SPATA6L: variants seen among roughly 807,000 people sequenced by gnomAD.
SPATA6L encodes spermatogenesis associated 6 like, also known as spermatogenesis associated 6-like protein.
Under a neutral mutation model 49.2 loss-of-function variants are expected in SPATA6L, and 68 were observed. That is an observed-to-expected ratio of 1.38 (90% CI 1.14 to 1.69). The LOEUF is 1.69. Ranked by LOEUF, SPATA6L falls within the 40% of genes most tolerant of loss-of-function variation. The pLI is 0.00. For synonymous variants in SPATA6L, 198 were observed against 165.7 expected, an observed-to-expected ratio of 1.19 and a Z score of -1.50; for missense variants, 668 against 464.3, an observed-to-expected ratio of 1.44 and a Z score of -4.03.
intron 13 of SPATA6L, among the ~76,000 whole-genome samples, chr9:4,592,014 A>C (rs1298891812): frequency 6.6e-6 from 1 of 152,136 alleles, no homozygotes; most frequent in Non-Finnish European, 1.5e-5. Flanking sequence ...TGAGCCCAGA[A>C]GGAAAAACAG....
chr9:4,612,824 G>A (rs1485833995), intron 9 of SPATA6L, among the ~76,000 whole-genome samples: 1 of 152,080 alleles, frequency 6.6e-6, no homozygotes, highest in Non-Finnish European at 1.5e-5. Flanking sequence ...TATTCAGGAG[G>A]GGGATGGTTA....
intron 7 of SPATA6L, among the ~76,000 whole-genome samples, chr9:4,619,744 T>C (rs917441728): frequency 1.3e-5 from 2 of 152,130 alleles, no homozygotes; most frequent in African/African-American, 4.8e-5. Context: ...TGGAGAAATA[T>C]AGAACATAGC....
intron 3 of SPATA6L, among the ~76,000 whole-genome samples, chr9:4,645,934 C>T (rs924218148): frequency 6.6e-6 from 1 of 152,058 alleles, no homozygotes; most frequent in African/African-American, 2.4e-5. Context: ...ATCTTATGAA[C>T]ATACGAAAAC....
At chr9:4,641,545 G>A (rs1449469979) in intron 3 of SPATA6L, among the ~76,000 whole-genome samples, 1 of 152,066 alleles carries the variant, frequency 6.6e-6, no homozygotes, top group African/African-American at 2.4e-5. Context: ...GTATTGTTAA[G>A]GGACTAATGA....
At chr9:4,661,866 GACA>G in intron 2 of SPATA6L, 30 bp downstream of exon 2, 1 of 1,609,824 alleles carries the variant, frequency 6.2e-7, no homozygotes, top group South Asian at 1.1e-5. Context: ...GTTATCTTCA[GACA>G]ACAAAAGCCA....
At chr9:4,604,858 C>T (rs1824329579) in intron 10 of SPATA6L, among the ~76,000 whole-genome samples, 1 of 152,140 alleles carries the variant, frequency 6.6e-6, no homozygotes, top group Non-Finnish European at 1.5e-5. Flanking sequence ...GAATACCTAC[C>T]AATGGATCAG....
intron 1 of SPATA6L, chr9:4,663,068 G>A: frequency 1.2e-6 from 2 of 1,614,014 alleles, no homozygotes; most frequent in African/African-American, 1.3e-5. Context: ...ACCTGGTGCT[G>A]GCCATTCCAC....
In SPATA6L at chr9:4,604,137, T is replaced by C; in HGVS notation, c.*1+42A>G. 4.5e-6 allele frequency: 6 copies of C among 1,342,834 alleles called. No individual in the cohort carries two copies. In the South Asian group the frequency reaches 7.7e-5, roughly 17 times the overall value. The allele number at this position is 1,342,834 out of a possible 1,614,324, so 83.2% of individuals were successfully genotyped here. On this transcript the variant is annotated intron_variant, in intron 11 of 11. Coordinates refer to ENST00000682582, the MANE Select transcript of SPATA6L (RefSeq NM_001353486.2). The stretch of plus-strand genomic sequence containing the variant: ...CTGAAATTCTTTTAGCAAACCAAGA[T>C]AAGGAGAAGCACTTAAGCTGCTTAC...
chr9:4,592,624 T>A (rs1326821292), intron 13 of SPATA6L, among the ~76,000 whole-genome samples: 1 of 152,186 alleles, frequency 6.6e-6, no homozygotes. Flanking sequence ...GAATATCAAT[T>A]ATAACTCAAG....
At chr9:4,632,251 C>T (rs1306872786) in intron 4 of SPATA6L, among the ~76,000 whole-genome samples, 1 of 151,474 alleles carries the variant, frequency 6.6e-6, no homozygotes, top group Admixed American at 6.6e-5. Flanking sequence ...CAGCTATTAT[C>T]GAAGTGATGG....
rs1168106161 is a variant in SPATA6L, at chr9:4,661,931, T to C, written c.145A>G (p.Ile49Val). Residue 49 changes from isoleucine (I) to valine (V), a missense_variant, in exon 2 of 12, where the codon ATT becomes GTT. Transcript: ENST00000682582. ...ETNSFPSAFPIMIQESMRFEK... is the reference protein window; with the variant it reads ...ETNSFPSAFPVMIQESMRFEK... The stretch of plus-strand genomic sequence containing the variant: ...AATCTCATGCTCTCCTGAATCATAA[T>C]GGGGAACGCAGAGGGAAAGCTGTTG... The C allele has an allele frequency of 3.7e-6, 6 of 1,613,822 alleles. No individual in the cohort carries two copies. Among genetic ancestry groups the C allele is most frequent in the Non-Finnish European group, 5.1e-6 (6 of 1,179,866 alleles).
chr9:4,592,314 CAAA>C (rs35362659), intron 13 of SPATA6L, among the ~76,000 whole-genome samples: 10 of 114,136 alleles, frequency 8.8e-5, no homozygotes, highest in Admixed American at 9.6e-5. Flanking sequence ...GACTCCATCT[CAAA>C]AAAAAAAAAA....
chr9:4,601,499 C>G (rs1823262285), intron 11 of SPATA6L, among the ~76,000 whole-genome samples: 1 of 152,012 alleles, frequency 6.6e-6, no homozygotes, highest in African/African-American at 2.4e-5. Flanking sequence ...TAGATGTATT[C>G]CAACCCCTTC....
chr9:4,618,098 G>A lies in SPATA6L; in HGVS notation c.820C>T (p.Pro274Ser), dbSNP rs765263904. The change falls in exon 9 of 12, where the codon CCA (proline) becomes TCA (serine). Residue 274 changes from proline to serine, a missense_variant. Physicochemically the swap from Pro to Ser is moderately conservative, Grantham distance 74. Transcript: ENST00000682582. ...LAANVKVIKE[P>S]DERIVLRSDS... ...CTCCTTAAAACAATCCGTTCATCTG[G>A]CTCTTTGATAACCTGAGTGACAATA... 1 of 1,606,834 alleles carries A rather than the reference G, an allele frequency of 6.2e-7. No individual in the cohort carries two copies. The highest frequency in any genetic ancestry group is 8.5e-7 in the Non-Finnish European group (1 of 1,175,926).
chr9:4,662,131 A>C lies in SPATA6L; in HGVS notation c.40-95T>G. On this transcript the variant is annotated intron_variant, in intron 1 of 11. Coordinates refer to ENST00000682582, the MANE Select transcript of SPATA6L (RefSeq NM_001353486.2). This position sits in a 1 kb window ranked among gnomAD's most constrained non-coding sequence, Gnocchi z 4.9. ...CTATTTCTCTTAAGCTCCTACAGAC[A>C]CTGACATTTTCCCCATCACCTCACT... 1 of 1,512,450 alleles carries C rather than the reference A, an allele frequency of 6.6e-7. No individual in the cohort carries two copies. The highest frequency in any genetic ancestry group is 8.9e-7 in the Non-Finnish European group (1 of 1,129,532). 93.7% of individuals were successfully genotyped at this position (1,512,450 alleles called of 1,614,324 possible). A position where few individuals can be genotyped will look rare whatever the true frequency, so the allele number is the denominator to read the frequency against.
At chr9:4,604,902 G>C (rs986482239) in intron 10 of SPATA6L, among the ~76,000 whole-genome samples, 7 of 152,164 alleles carry the variant, frequency 4.6e-5, no homozygotes, top group African/African-American at 1.7e-4. Flanking sequence ...AAGTCATACA[G>C]CCAAAACCAC....
downstream of SPATA6L, among the ~76,000 whole-genome samples, chr9:4,596,970 T>C (rs550551967): frequency 3.3e-5 from 5 of 152,234 alleles, no homozygotes; most frequent in Non-Finnish European, 7.3e-5. Context: ...GAATAGCTAA[T>C]GCTCACTGAG....
intron 9 of SPATA6L, among the ~76,000 whole-genome samples, chr9:4,615,017 T>C (rs1176029636): frequency 1.3e-5 from 2 of 152,222 alleles, no homozygotes; most frequent in Admixed American, 1.3e-4. Flanking sequence ...AACCTTTGAG[T>C]CCTGGCACTG....
chr9:4,592,349 A>G (rs1439315166), intron 13 of SPATA6L, among the ~76,000 whole-genome samples: 1 of 151,530 alleles, frequency 6.6e-6, no homozygotes, highest in African/African-American at 2.4e-5. Flanking sequence ...GAGGAAGAAC[A>G]TTTTTATTTA....
Sources: allele counts gnomAD v4.1 joint callset (sites outside exome capture counted in the v4.1 genomes callset), GRCh38; gene constraint gnomAD v4.1.1; non-coding constraint Gnocchi (gnomAD v3.1); transcripts MANE v1.5; gene names NCBI Gene and HGNC (gene_info 2026-07-23, HGNC 2026-07-21).